Variants in STXBP5L observed in about 807,000 individuals in gnomAD.
STXBP5L encodes the protein syntaxin-binding protein 5-like.
In STXBP5L, 65 loss-of-function variants were observed where a neutral mutation model predicts 144.5. The ratio of observed to expected loss-of-function variants is 0.45; its 90% CI spans 0.37 to 0.55. The LOEUF (loss-of-function observed/expected upper bound fraction) is 0.55, where lower values mean the gene tolerates loss of function less well. STXBP5L is among the 20% of genes least tolerant of loss of function. STXBP5L has a pLI of 0.00. For synonymous variants in STXBP5L, 505 were observed against 469.6 expected, an observed-to-expected ratio of 1.08 and a Z score of -0.97; for missense variants, 1,298 against 1,405.5, an observed-to-expected ratio of 0.92 and a Z score of 1.22.
chr3:121,189,671 T>G (rs956375068), intron 9 of STXBP5L, among the ~76,000 whole-genome samples: 1 of 152,158 alleles, frequency 6.6e-6, no homozygotes, highest in African/African-American at 2.4e-5. Flanking sequence ...CTCCAGCTTT[T>G]TTCTTTTGAC....
At chr3:121,090,366 C>G (rs1039818170) in intron 5 of STXBP5L, among the ~76,000 whole-genome samples, 1 of 152,102 alleles carries the variant, frequency 6.6e-6, no homozygotes, top group South Asian at 2.1e-4. Context: ...ACTATGCCTC[C>G]TCTTTTACCC....
rs183686933 is a variant in STXBP5L at position 120,939,456 on chromosome 3, C to T, written c.190-15484C>T. ...ATTTATGATGGAGGCTCAAAATGTT[C>T]CCCCTCCCCTGTCTACTACTGGAAA... On this transcript the variant is annotated intron_variant, in intron 2 of 26. Coordinates refer to ENST00000471454, the MANE Select transcript of STXBP5L (RefSeq NM_001308330.2). Among the ~76,000 whole-genome samples, 23 of 152,166 alleles carry T rather than the reference C, an allele frequency of 1.5e-4. 1 individual carries two copies. The highest frequency in any genetic ancestry group is 7.9e-4 in the Admixed American group (12 of 15,280).
intron 7 of STXBP5L, among the ~76,000 whole-genome samples, chr3:121,149,903 T>C (rs1442538893): frequency 1.3e-5 from 2 of 152,092 alleles, no homozygotes; most frequent in Admixed American, 6.6e-5. Context: ...CAAATGCTTA[T>C]ATCATTAAAA....
chr3:121,381,309 CTA>C lies in STXBP5L; in HGVS notation c.2367_2368del (p.Tyr789Ter). The C allele has an allele frequency of 6.3e-7, 1 of 1,579,660 alleles. No individual in the cohort carries two copies. Among genetic ancestry groups the C allele is most frequent in the Non-Finnish European group, 8.5e-7 (1 of 1,170,010 alleles). On this transcript the variant is annotated frameshift_variant, in exon 22 of 27. Coordinates refer to ENST00000471454, the MANE Select transcript of STXBP5L (RefSeq NM_001308330.2). LOFTEE classifies it high-confidence loss of function. ...VTTEENRENS[Y>X]NRSRSSSISS... is the part of the protein sequence containing the mutation. Reference sequence around the variant, plus strand: ...TTTCCATAGAAAACCGAGAAAATTCCTATAATCGTTCTAGAAGCTCTAGTATC... The same window carrying C: ...TTTCCATAGAAAACCGAGAAAATTCCTAATCGTTCTAGAAGCTCTAGTATC...
Position 121,024,832 on chromosome 3 carries a change from A to T in STXBP5L, c.288-16868A>T, listed in dbSNP as rs185499742. ...AAAAGATAATAAAGACAACAAAAATAGTGCATAAAGCTTGAGCAATTGATT... is the reference window on the plus strand; with the variant it reads ...AAAAGATAATAAAGACAACAAAAATTGTGCATAAAGCTTGAGCAATTGATT... On this transcript the variant is annotated intron_variant, in intron 3 of 26. Coordinates refer to ENST00000471454, the MANE Select transcript of STXBP5L (RefSeq NM_001308330.2). Among the ~76,000 whole-genome samples, 35 of 152,310 alleles carry T rather than the reference A, an allele frequency of 2.3e-4. No individual in the cohort carries two copies. In the East Asian group the frequency reaches 6.6e-3, roughly 29 times the overall value.
At chr3:121,085,405 C>T (rs1371354256) in intron 5 of STXBP5L, among the ~76,000 whole-genome samples, 1 of 152,002 alleles carries the variant, frequency 6.6e-6, no homozygotes, top group Non-Finnish European at 1.5e-5. Flanking sequence ...ATAACATGAT[C>T]CTATATCTAG....
chr3:121,050,189 G>C (rs374208308), intron 5 of STXBP5L, among the ~76,000 whole-genome samples: 8 of 152,132 alleles, frequency 5.3e-5, no homozygotes, highest in African/African-American at 1.9e-4. Context: ...CTCCATGAGA[G>C]TGGTGCTTAT....
chr3:121,227,410 C>G (rs1327348485), intron 11 of STXBP5L, among the ~76,000 whole-genome samples: 1 of 152,042 alleles, frequency 6.6e-6, no homozygotes. Flanking sequence ...CAAGATCTGT[C>G]TCTACTAAAA....
intron 9 of STXBP5L, among the ~76,000 whole-genome samples, chr3:121,163,728 G>A (rs1317949986): frequency 6.6e-6 from 1 of 151,584 alleles, no homozygotes; most frequent in Non-Finnish European, 1.5e-5. Context: ...TTGATGCCCT[G>A]AATGATTCTT....
At chr3:121,345,585 C>T (rs1165428349) in intron 20 of STXBP5L, among the ~76,000 whole-genome samples, 4 of 152,090 alleles carry the variant, frequency 2.6e-5, no homozygotes, top group African/African-American at 9.7e-5. Flanking sequence ...GATCACCACA[C>T]TGTCTTCCAC....
intron 3 of STXBP5L, among the ~76,000 whole-genome samples, chr3:120,963,987 T>C (rs1041425254): frequency 1.7e-4 from 26 of 152,216 alleles, no homozygotes; most frequent in African/African-American, 5.8e-4. Context: ...GACTTCTTCC[T>C]GGCTTAGTGT....
intron 20 of STXBP5L, among the ~76,000 whole-genome samples, chr3:121,329,037 ATGTG>A (rs1205932169): frequency 1.3e-5 from 2 of 151,996 alleles, no homozygotes; most frequent in African/African-American, 2.4e-5. Flanking sequence ...TATAATGCAT[ATGTG>A]TGTATGTATA....
At chr3:121,009,708 G>A (rs1036235866) in intron 3 of STXBP5L, among the ~76,000 whole-genome samples, 4 of 151,968 alleles carry the variant, frequency 2.6e-5, no homozygotes, top group African/African-American at 9.7e-5. Context: ...TATGAACTTA[G>A]TTGGGCCTAA....
chr3:121,352,086 G>C (rs1233656780), intron 20 of STXBP5L, among the ~76,000 whole-genome samples: 1 of 152,084 alleles, frequency 6.6e-6, no homozygotes, highest in Non-Finnish European at 1.5e-5. Flanking sequence ...GTTTACTGTA[G>C]CCTTGTAGTA....
chr3:120,995,561 T>C (rs1248098246), intron 3 of STXBP5L, among the ~76,000 whole-genome samples: 1 of 152,156 alleles, frequency 6.6e-6, no homozygotes, highest in Non-Finnish European at 1.5e-5. Flanking sequence ...TATATTGCTT[T>C]GTAGAATTTT....
intron 8 of STXBP5L, among the ~76,000 whole-genome samples, chr3:121,154,223 T>A (rs933955330): frequency 2.6e-5 from 4 of 151,892 alleles, no homozygotes; most frequent in Non-Finnish European, 5.9e-5. Flanking sequence ...CATCTTTATC[T>A]ACTTTAATGT....
chr3:120,926,766 C>T (rs1220912355), intron 2 of STXBP5L, among the ~76,000 whole-genome samples: 2 of 152,026 alleles, frequency 1.3e-5, no homozygotes, highest in African/African-American at 2.4e-5. Context: ...TTCAAATAGC[C>T]TGTCTTTGAG....
chr3:120,914,509 G>A (rs1169315374), intron 2 of STXBP5L, among the ~76,000 whole-genome samples: 1 of 152,002 alleles, frequency 6.6e-6, no homozygotes, highest in African/African-American at 2.4e-5. Context: ...ACTGTAGAGA[G>A]TTGGGCTTTC....
chr3:120,993,620 G>A lies in STXBP5L; in HGVS notation c.287+38583G>A, dbSNP rs893577020. On this transcript the variant is annotated intron_variant, in intron 3 of 26. Transcript: ENST00000471454. Reference sequence around the variant, plus strand: ...CAAATGAGTTGGTTGTAAATATGTGGATTTATTTGTGAATTCTGTGTTCTG... The same window carrying A: ...CAAATGAGTTGGTTGTAAATATGTGAATTTATTTGTGAATTCTGTGTTCTG... 2.6e-5 allele frequency among the ~76,000 whole-genome samples: 4 copies of A among 152,104 alleles called. No homozygotes were observed. In the South Asian group the frequency reaches 8.3e-4, roughly 32 times the overall value.
Sources: allele counts gnomAD v4.1 joint callset (sites outside exome capture counted in the v4.1 genomes callset), GRCh38; gene constraint gnomAD v4.1.1; transcripts MANE v1.5; gene names NCBI Gene and HGNC (gene_info 2026-07-23, HGNC 2026-07-21).